The following COL4A4 variants were observed in gnomAD, a reference collection of about 807,000 sequenced individuals.
The protein encoded by COL4A4 is collagen alpha-4(IV) chain.
COL4A4 carries 105 observed loss-of-function variants against 192.9 expected under a neutral mutation model. The ratio of observed to expected loss-of-function variants is 0.54; its 90% confidence interval spans 0.46 to 0.64. COL4A4 has a LOEUF of 0.64. Ranked by LOEUF, COL4A4 falls within the 30% of genes least tolerant of loss-of-function variation. The pLI is 0.00. For synonymous variants in COL4A4, 762 were observed against 769.9 expected (o/e 0.99, Z 0.17); for missense variants, 1,967 against 2,169.3 (o/e 0.91, Z 1.85).
At chr2:227,133,151 G>A (rs1448696013) in intron 4 of COL4A4, among the ~76,000 whole-genome samples, 1 of 152,118 alleles carries the variant, frequency 6.6e-6, no homozygotes, top group African/African-American at 2.4e-5. Flanking sequence ...ACACAGTTTG[G>A]CAGTTGTTGC....
At chr2:227,050,889 A>G (rs1973953825) in intron 33 of COL4A4, 88 bp downstream of exon 33, 2 of 1,495,690 alleles carry the variant, frequency 1.3e-6, no homozygotes, top group East Asian at 4.5e-5. Context: ...GCAATGGTAT[A>G]TACGCTGGCA....
intron 8 of COL4A4, among the ~76,000 whole-genome samples, chr2:227,113,857 C>G (rs1038412018): frequency 6.6e-6 from 1 of 152,182 alleles, no homozygotes; most frequent in African/African-American, 2.4e-5. Flanking sequence ...CTAGTTCTAT[C>G]TAATTGCTGC....
chr2:227,084,437 A>G (rs555636346), intron 22 of COL4A4, among the ~76,000 whole-genome samples: 39 of 152,330 alleles, frequency 2.6e-4, no homozygotes, highest in African/African-American at 8.7e-4. Context: ...GAGACTTCAA[A>G]TGTATGACGA....
At chr2:227,016,775 T>C (rs1432997368) in intron 44 of COL4A4, among the ~76,000 whole-genome samples, 1 of 152,186 alleles carries the variant, frequency 6.6e-6, no homozygotes, top group Non-Finnish European at 1.5e-5. Context: ...CAGTGTCCGA[T>C]ATGCTCCTGT....
At chr2:227,091,631 C>T (rs2059935752) in intron 20 of COL4A4, among the ~76,000 whole-genome samples, 2 of 152,104 alleles carry the variant, frequency 1.3e-5, no homozygotes, top group South Asian at 4.1e-4. Flanking sequence ...CGGTGGCTCA[C>T]ATCTACAATC....
At chr2:227,068,566 C>T (rs1366301077) in intron 25 of COL4A4, among the ~76,000 whole-genome samples, 24 of 152,274 alleles carry the variant, frequency 1.6e-4, no homozygotes, top group East Asian at 7.7e-4. Flanking sequence ...GTTCAATATA[C>T]GCGAATCAAT....
intron 45 of COL4A4, 31 bp from the exon 46 acceptor site, chr2:227,010,532 A>C: frequency 1.3e-6 from 2 of 1,499,244 alleles, no homozygotes; most frequent in South Asian, 2.7e-5. Flanking sequence ...AATTGAAGGC[A>C]GGTTAGGGGG....
intron 25 of COL4A4, among the ~76,000 whole-genome samples, chr2:227,063,387 G>C (rs1977631757): frequency 6.6e-6 from 1 of 151,940 alleles, no homozygotes; most frequent in African/African-American, 2.4e-5. Flanking sequence ...TCAGATCTAA[G>C]ATATATCAGA....
the COL4A4 span, among the ~76,000 whole-genome samples, chr2:226,980,361 T>A: frequency 7.2e-5 from 11 of 152,304 alleles, no homozygotes; most frequent in South Asian, 1.0e-3. Flanking sequence ...GACACCGGTA[T>A]CCACTCCAGA....
chr2:227,157,196 C>A (rs999004644), intron 1 of COL4A4, among the ~76,000 whole-genome samples: 12 of 152,090 alleles, frequency 7.9e-5, no homozygotes, highest in Non-Finnish European at 1.5e-4. Context: ...TTAAACAGCA[C>A]ACTTCCAAAT....
chr2:227,033,015 C>T (rs1968765910), intron 38 of COL4A4, among the ~76,000 whole-genome samples: 1 of 152,172 alleles, frequency 6.6e-6, no homozygotes, highest in Non-Finnish European at 1.5e-5. Context: ...TAAAAGGATG[C>T]TATTAGTACT....
At chr2:227,120,538 A>G (rs990784521) in intron 5 of COL4A4, among the ~76,000 whole-genome samples, 1 of 152,170 alleles carries the variant, frequency 6.6e-6, no homozygotes, top group African/African-American at 2.4e-5. Context: ...GGTCCAGAAG[A>G]GCATGCTCCT....
chr2:227,158,099 T>TA (rs1339826240), intron 1 of COL4A4, among the ~76,000 whole-genome samples: 4 of 152,132 alleles, frequency 2.6e-5, no homozygotes, highest in African/African-American at 9.6e-5. Flanking sequence ...TTGAAGGACT[T>TA]ACACTAGTCT....
At chr2:227,108,024 G>A (rs1165120724) in intron 12 of COL4A4, among the ~76,000 whole-genome samples, 1 of 152,026 alleles carries the variant, frequency 6.6e-6, no homozygotes, top group Non-Finnish European at 1.5e-5. Flanking sequence ...CCAAAGTGCT[G>A]GAATTACAGG....
At chr2:226,981,582 A>ACACG in the COL4A4 span, among the ~76,000 whole-genome samples, 3 of 151,678 alleles carry the variant, frequency 2.0e-5, no homozygotes, top group South Asian at 6.3e-4. Context: ...ACACACACAC[A>ACACG]CACACTTTCT....
chr2:227,159,226 A>G (rs945827928), intron 1 of COL4A4, among the ~76,000 whole-genome samples: 1 of 152,230 alleles, frequency 6.6e-6, no homozygotes, highest in Admixed American at 6.5e-5. Context: ...TATACACGGT[A>G]TAATTCCGTC....
At chr2:227,002,168 CAAA>C (rs55908824), downstream of COL4A4, among the ~76,000 whole-genome samples, 220 of 76,168 alleles carry the variant, frequency 2.9e-3, no homozygotes, top group African/African-American at 0.011. Context: ...GACCCTGTCT[CAAA>C]AAAAAAAAAA....
intron 15 of COL4A4, among the ~76,000 whole-genome samples, chr2:227,102,583 C>A (rs1042596030): frequency 6.6e-6 from 1 of 152,174 alleles, no homozygotes; most frequent in Non-Finnish European, 1.5e-5. Flanking sequence ...ATTCTTCTAT[C>A]TTTTGCTTGC....
chr2:227,118,307 G>A (rs1166935816), intron 7 of COL4A4, among the ~76,000 whole-genome samples: 2 of 152,072 alleles, frequency 1.3e-5, no homozygotes, highest in Non-Finnish European at 2.9e-5. Flanking sequence ...TTTGCTACCT[G>A]GTCTCTCTGC....
Sources: allele counts gnomAD v4.1 joint callset (sites outside exome capture counted in the v4.1 genomes callset), GRCh38; gene constraint gnomAD v4.1.1; transcripts MANE v1.5; gene names NCBI Gene and HGNC (gene_info 2026-07-23, HGNC 2026-07-21).